Variants in UBE2E2 observed in about 807,000 individuals in gnomAD.
UBE2E2 encodes ubiquitin conjugating enzyme E2 E2, also known as ubiquitin-conjugating enzyme E2 E2.
In UBE2E2, 6 loss-of-function variants were observed where a neutral mutation model predicts 24.7. The observed-to-expected ratio is 0.24, with a 90% CI of 0.13 to 0.48. The LOEUF (loss-of-function observed/expected upper bound fraction) is 0.48, where lower values mean the gene tolerates loss of function less well. Ranked by LOEUF, UBE2E2 falls within the 20% of genes least tolerant of loss-of-function variation. The probability of loss-of-function intolerance (pLI) is 0.99; values close to 1 mark genes in which losing one functional copy is unlikely to be tolerated. For synonymous variants in UBE2E2, 104 were observed against 83.6 expected, an observed-to-expected ratio of 1.24 and a Z score of -1.33; for missense variants, 169 against 245.0, an observed-to-expected ratio of 0.69 and a Z score of 2.07.
rs1427743264 is a variant in UBE2E2 at position 23,332,673 on chromosome 3, GGGTGT to G, written c.227+115363_227+115367del. 4.0e-3 allele frequency among the ~76,000 whole-genome samples: 320 copies of G among 80,590 alleles called. 2 individuals carry two copies. The highest frequency in any genetic ancestry group is 0.024 in the East Asian group (64 of 2,690). 52.9% of individuals were successfully genotyped at this position (80,590 alleles called of 152,430 possible). A position where few individuals can be genotyped will look rare whatever the true frequency, so the allele number is the denominator to read the frequency against. ...GCTTTGAGCTTCCTGGCAGCCAGTGGGGTGTGTGTGTGTGTGTGTGTGTGTGTGTG... is the reference window on the plus strand; with the variant it reads ...GCTTTGAGCTTCCTGGCAGCCAGTGGGTGTGTGTGTGTGTGTGTGTGTGTG... On this transcript the variant is annotated intron_variant, in intron 3 of 5. Coordinates refer to ENST00000396703, the MANE Select transcript of UBE2E2 (RefSeq NM_152653.4).
chr3:23,515,258 A>T (rs1023469958), intron 4 of UBE2E2, among the ~76,000 whole-genome samples: 13 of 152,054 alleles, frequency 8.5e-5, no homozygotes, highest in African/African-American at 2.9e-4. Context: ...ATAGGTTTGA[A>T]TTTTTTTAAT....
chr3:23,213,939 T>C (rs915608246), intron 2 of UBE2E2, among the ~76,000 whole-genome samples: 1 of 152,162 alleles, frequency 6.6e-6, no homozygotes, highest in Non-Finnish European at 1.5e-5. Flanking sequence ...GTACCTTTCT[T>C]ATCCCACTTG....
intron 3 of UBE2E2, among the ~76,000 whole-genome samples, chr3:23,497,315 G>A (rs573556068): frequency 2.6e-5 from 4 of 152,252 alleles, no homozygotes; most frequent in South Asian, 2.1e-4. Flanking sequence ...AAAAATATGC[G>A]AGAACTGAGA....
At chr3:23,568,616 CACACAT>C (rs1339210279) in intron 5 of UBE2E2, among the ~76,000 whole-genome samples, 1 of 1,384 alleles carries the variant, frequency 7.2e-4, no homozygotes, top group African/African-American at 9.5e-4. Context: ...CATATATACA[CACACAT>C]ATATATATGT....
intron 3 of UBE2E2, among the ~76,000 whole-genome samples, chr3:23,295,102 ATCTCTAGTCCTTT>A (rs1698874636): frequency 6.6e-6 from 1 of 151,980 alleles, no homozygotes; most frequent in Non-Finnish European, 1.5e-5. Context: ...GCTATTTTCC[ATCTCTAGTCCTTT>A]TCAAAAACAC....
intron 5 of UBE2E2, among the ~76,000 whole-genome samples, chr3:23,573,833 C>T (rs1159042632): frequency 6.6e-6 from 1 of 152,046 alleles, no homozygotes; most frequent in African/African-American, 2.4e-5. Flanking sequence ...GGAGATTGTG[C>T]TATTAGGTCA....
chr3:23,439,565 G>A (rs1413753380), intron 3 of UBE2E2, among the ~76,000 whole-genome samples: 1 of 152,186 alleles, frequency 6.6e-6, no homozygotes, highest in African/African-American at 2.4e-5. Context: ...GATTATGAGA[G>A]AGAACGTTGA....
chr3:23,365,770 T>C (rs979610031), intron 3 of UBE2E2, among the ~76,000 whole-genome samples: 6 of 152,158 alleles, frequency 3.9e-5, no homozygotes, highest in African/African-American at 1.4e-4. Context: ...TATTTTTAAA[T>C]TCGTATGGAA....
intron 5 of UBE2E2, among the ~76,000 whole-genome samples, chr3:23,536,761 C>A (rs1695274157): frequency 6.6e-6 from 1 of 152,150 alleles, no homozygotes; most frequent in South Asian, 2.1e-4. Context: ...CTGAGATTGA[C>A]CATTATAACT....
rs761392314 is a variant in UBE2E2 at position 23,563,744 on chromosome 3, A to G, written c.509-25990A>G. Among the ~76,000 whole-genome samples, 9 of 152,274 alleles carry G rather than the reference A, an allele frequency of 5.9e-5. No individual in the cohort carries two copies. In the South Asian group the frequency reaches 6.2e-4, roughly 11 times the overall value. ...GCAAGAATACTCACTAAAAGTAGCT[A>G]TAAGTGAAATATTGGTAAATAAAAT... is the stretch of plus-strand genomic sequence containing the variant. On this transcript the variant is annotated intron_variant, in intron 5 of 5. Transcript: ENST00000396703.
In UBE2E2 at chr3:23,532,669, C is replaced by A; in HGVS notation, c.476C>A (p.Ser159Tyr). 6.4e-7 allele frequency: 1 copy of A among 1,562,172 alleles called. No homozygotes were observed. Among genetic ancestry groups the A allele is most frequent in the South Asian group, 1.2e-5 (1 of 82,420 alleles). ...TTAACTATTTCTAAAGTTCTCCTCTCCATCTGCTCACTTCTTACAGATTGC... is the reference window on the plus strand; with the variant it reads ...TTAACTATTTCTAAAGTTCTCCTCTACATCTGCTCACTTCTTACAGATTGC... ...PALTISKVLL[S>Y]ICSLLTDCNP... The change falls in exon 5 of 6, where the codon TCC (serine) becomes TAC (tyrosine). Residue 159 changes from serine (S) to tyrosine (Y), a missense_variant. Physicochemically the swap from Ser to Tyr is moderately radical, Grantham distance 144. Transcript: ENST00000396703.
chr3:23,223,194 A>ATTT (rs35538160), intron 3 of UBE2E2, among the ~76,000 whole-genome samples: 1 of 122,836 alleles, frequency 8.1e-6, no homozygotes, highest in Non-Finnish European at 1.7e-5. Context: ...TGATTTTTGT[A>ATTT]TTTTTTTTTT....
At chr3:23,399,347 C>G (rs1697159936) in intron 3 of UBE2E2, among the ~76,000 whole-genome samples, 2 of 152,126 alleles carry the variant, frequency 1.3e-5, no homozygotes, top group Non-Finnish European at 2.9e-5. Context: ...ATCCTGATAA[C>G]TGAGATCTGG....
chr3:23,564,888 ATGAC>A (rs1413528673), intron 5 of UBE2E2, among the ~76,000 whole-genome samples: 2 of 152,204 alleles, frequency 1.3e-5, no homozygotes, highest in African/African-American at 4.8e-5. Context: ...TTCATGAAGA[ATGAC>A]TGGCACTGCT....
At chr3:23,273,038 C>T (rs1474326060) in intron 3 of UBE2E2, among the ~76,000 whole-genome samples, 1 of 152,142 alleles carries the variant, frequency 6.6e-6, no homozygotes, top group Admixed American at 6.5e-5. Context: ...TCCAATTCAG[C>T]TGTTTATCTC....
intron 5 of UBE2E2, among the ~76,000 whole-genome samples, chr3:23,551,653 G>A (rs61332381): frequency 8.7e-4 from 133 of 152,320 alleles, no homozygotes; most frequent in African/African-American, 2.9e-3. Context: ...GCAGCTGGAA[G>A]AGGATTATCC....
chr3:23,315,474 T>G (rs1222036320), intron 3 of UBE2E2, among the ~76,000 whole-genome samples: 1 of 152,234 alleles, frequency 6.6e-6, no homozygotes, highest in Non-Finnish European at 1.5e-5. Flanking sequence ...TGCTTTTTAA[T>G]TATTTCAGTC....
At chr3:23,436,137 A>G (rs61081559) in intron 3 of UBE2E2, among the ~76,000 whole-genome samples, 6,278 of 152,110 alleles carry the variant, frequency 0.041, 457 homozygotes, top group African/African-American at 0.14. Flanking sequence ...CTAACAGGCT[A>G]CAGACTGTTA....
intron 5 of UBE2E2, among the ~76,000 whole-genome samples, chr3:23,565,499 G>A (rs1451987071): frequency 7.0e-6 from 1 of 142,948 alleles, no homozygotes; most frequent in Non-Finnish European, 1.5e-5. Context: ...AGCTGGACTG[G>A]GAGAATTAAG....
Sources: allele counts gnomAD v4.1 joint callset (sites outside exome capture counted in the v4.1 genomes callset), GRCh38; gene constraint gnomAD v4.1.1; transcripts MANE v1.5; gene names NCBI Gene and HGNC (gene_info 2026-07-23, HGNC 2026-07-21).